Variants in CALN1 observed in about 807,000 individuals in gnomAD.
CALN1 encodes calcium-binding protein 8.
Under a neutral mutation model 30.6 loss-of-function variants are expected in CALN1, and 17 were observed. That is an observed-to-expected ratio of 0.56 (90% CI 0.38 to 0.83). The LOEUF is 0.83. Among genes scored for constraint, CALN1 ranks in the 40% least tolerant of loss-of-function variants. The probability of loss-of-function intolerance (pLI) is 0.00; values close to 1 mark genes in which losing one functional copy is unlikely to be tolerated. For missense variants in CALN1, 291 were observed against 354.9 expected (o/e 0.82, Z 1.45); for synonymous variants, 156 against 131.4 (o/e 1.19, Z -1.28).
intron 3 of CALN1, among the ~76,000 whole-genome samples, chr7:72,195,006 C>T (rs923347736): frequency 2.0e-5 from 3 of 152,168 alleles, no homozygotes; most frequent in Admixed American, 1.3e-4. Context: ...CCTGACCCCT[C>T]CCCTTGTCTC....
chr7:72,320,511 T>C (rs1800799213), intron 2 of CALN1, among the ~76,000 whole-genome samples: 1 of 152,100 alleles, frequency 6.6e-6, no homozygotes, highest in South Asian at 2.1e-4. Context: ...AGAAGTACTC[T>C]GCAGACACTT....
chr7:72,342,971 G>A (rs144890075), intron 2 of CALN1, among the ~76,000 whole-genome samples: 4 of 152,286 alleles, frequency 2.6e-5, no homozygotes, highest in Non-Finnish European at 4.4e-5. Flanking sequence ...TCTCCTGTGT[G>A]GCTAGGGGTT....
At chr7:72,197,173 G>GC (rs1791076388) in intron 3 of CALN1, among the ~76,000 whole-genome samples, 1 of 122,020 alleles carries the variant, frequency 8.2e-6, no homozygotes. Context: ...CAAATGGAAG[G>GC]TTTGCTTTTT....
At chr7:72,458,221 TTA>T in the CALN1 span, among the ~76,000 whole-genome samples, 139 of 103,552 alleles carry the variant, frequency 1.3e-3, 11 homozygotes, top group Non-Finnish European at 2.1e-3. Flanking sequence ...TTATAATATA[TTA>T]TATAATATAT....
At chr7:71,806,370 G>A (rs12674225) in intron 6 of CALN1, among the ~76,000 whole-genome samples, 16,956 of 149,698 alleles carry the variant, frequency 0.11, 1,252 homozygotes, top group East Asian at 0.31. Context: ...GCAATGGCGC[G>A]ATCTTGGTTC....
intron 5 of CALN1, among the ~76,000 whole-genome samples, chr7:71,916,938 G>GT (rs1425071253): frequency 2.0e-5 from 3 of 152,160 alleles, no homozygotes; most frequent in Non-Finnish European, 4.4e-5. Flanking sequence ...GACAGCTGGG[G>GT]TTTTTATCAG....
intron 6 of CALN1, 146 bp from the exon 7 acceptor site, chr7:71,788,048 G>A (rs1793080341): frequency 9.2e-7 from 1 of 1,085,084 alleles, no homozygotes; most frequent in Non-Finnish European, 1.3e-6. Flanking sequence ...AAATCAAGTT[G>A]ACAGGCATTT....
intron 5 of CALN1, among the ~76,000 whole-genome samples, chr7:71,916,925 G>A (rs1000938627): frequency 1.3e-5 from 2 of 152,190 alleles, no homozygotes; most frequent in African/African-American, 4.8e-5. Flanking sequence ...CATGTTGTCT[G>A]AGGACAGCTG....
intron 5 of CALN1, among the ~76,000 whole-genome samples, chr7:71,820,694 C>T (rs1562809149): frequency 6.6e-6 from 1 of 152,124 alleles, no homozygotes; most frequent in Non-Finnish European, 1.5e-5. Context: ...TTTTCAGGAA[C>T]AGAGCTTGGT....
intron 5 of CALN1, among the ~76,000 whole-genome samples, chr7:71,929,390 T>A (rs1276666924): frequency 6.6e-6 from 1 of 152,210 alleles, no homozygotes; most frequent in Non-Finnish European, 1.5e-5. Context: ...TACTGGTATT[T>A]GGTTTTCTGT....
At position 71,784,606 on chromosome 7, in the gene CALN1, T is replaced by C. The variant is rs1296352546; in HGVS notation, c.*3169A>G. Reference sequence around the variant, plus strand: ...ATTTCCCCTTCTCTCCCAAGGAAAATGCCTTCTTGCTCATCACTTGTGCTT... The same window carrying C: ...ATTTCCCCTTCTCTCCCAAGGAAAACGCCTTCTTGCTCATCACTTGTGCTT... On this transcript the variant is annotated 3_prime_UTR_variant, in exon 7 of 7. Coordinates refer to ENST00000395275, the MANE Select transcript of CALN1 (RefSeq NM_031468.4). 3 of 385,882 alleles carry C rather than the reference T, an allele frequency of 7.8e-6. No homozygotes were observed. Among genetic ancestry groups the C allele is most frequent in the Non-Finnish European group, 1.4e-5 (3 of 218,932 alleles). 23.9% of individuals were successfully genotyped at this position (385,882 alleles called of 1,614,324 possible).
intron 2 of CALN1, among the ~76,000 whole-genome samples, chr7:72,366,301 G>A (rs1483297835): frequency 6.6e-6 from 1 of 152,010 alleles, no homozygotes; most frequent in African/African-American, 2.4e-5. Flanking sequence ...AGCCTCCCAA[G>A]TAGCTGGGAT....
At chr7:72,481,014 G>A in the CALN1 span, among the ~76,000 whole-genome samples, 3 of 152,044 alleles carry the variant, frequency 2.0e-5, no homozygotes, top group Non-Finnish European at 4.4e-5. Flanking sequence ...GTACAATGGT[G>A]CGATCTCGGC....
At chr7:72,198,227 T>C (rs1791167529) in intron 3 of CALN1, among the ~76,000 whole-genome samples, 1 of 152,220 alleles carries the variant, frequency 6.6e-6, no homozygotes, top group South Asian at 2.1e-4. Context: ...CTCAGTCATT[T>C]GTAATCAGAT....
In CALN1 at chr7:71,812,920, CATCATCATCATTATTATTATT is replaced by C. The variant is rs1212958415; in HGVS notation, c.502-2449_502-2429del. ...CACCATGTCCAGCTATTTTATTTAT[CATCATCATCATTATTATTATT>C]ATTATTATTATTATTATTATTATTT... On this transcript the variant is annotated intron_variant, in intron 5 of 6. Transcript: ENST00000395275. Among the ~76,000 whole-genome samples, 548 of 97,908 alleles carry C rather than the reference CATCATCATCATTATTATTATT, an allele frequency of 5.6e-3. 5 individuals are homozygous for C. Among genetic ancestry groups the C allele is most frequent in the African/African-American group, 0.017 (510 of 30,560 alleles). 64.2% of individuals were successfully genotyped at this position (97,908 alleles called of 152,430 possible). A position where few individuals can be genotyped will look rare whatever the true frequency, so the allele number is the denominator to read the frequency against.
chr7:72,375,624 A>G (rs1257898732), intron 2 of CALN1, among the ~76,000 whole-genome samples: 2 of 151,984 alleles, frequency 1.3e-5, no homozygotes, highest in Non-Finnish European at 2.9e-5. Flanking sequence ...AAAGCATAAT[A>G]CAAAATTAGG....
intron 2 of CALN1, among the ~76,000 whole-genome samples, chr7:72,385,875 C>T (rs931089571): frequency 3.3e-5 from 5 of 152,212 alleles, no homozygotes; most frequent in Non-Finnish European, 7.4e-5. Context: ...CCATGCAAAA[C>T]TGTGAGTCAA....
chr7:72,418,078 A>T (rs1346386773), intron 1 of CALN1, among the ~76,000 whole-genome samples: 2 of 152,190 alleles, frequency 1.3e-5, no homozygotes, highest in Admixed American at 1.3e-4. Context: ...TAGCAAGCAT[A>T]GTACCCAATA....
chr7:72,144,658 A>T (rs185812754), intron 3 of CALN1, among the ~76,000 whole-genome samples: 1 of 152,334 alleles, frequency 6.6e-6, no homozygotes, highest in Non-Finnish European at 1.5e-5. Flanking sequence ...ACCCAAAATC[A>T]ACAGACTATA....
Sources: allele counts gnomAD v4.1 joint callset (sites outside exome capture counted in the v4.1 genomes callset), GRCh38; gene constraint gnomAD v4.1.1; transcripts MANE v1.5; gene names NCBI Gene and HGNC (gene_info 2026-07-23, HGNC 2026-07-21).